NFATC2: variants seen among roughly 807,000 people sequenced by gnomAD.
NFATC2 encodes nuclear factor of activated T-cells, cytoplasmic 2.
In NFATC2, 22 loss-of-function variants were observed where a neutral mutation model predicts 87.3. The observed-to-expected ratio is 0.25, with a 90% CI of 0.18 to 0.36. NFATC2 has a LOEUF of 0.36. NFATC2 is among the 10% of genes least tolerant of loss of function. NFATC2 has a pLI of 1.00. For missense variants in NFATC2, 1,149 were observed against 1,259.1 expected (o/e 0.91, Z 1.32); for synonymous variants, 565 against 542.2 (o/e 1.04, Z -0.58).
chr20:51,488,278 C>T (rs2075818315), intron 3 of NFATC2, among the ~76,000 whole-genome samples: 1 of 152,218 alleles, frequency 6.6e-6, no homozygotes, highest in Non-Finnish European at 1.5e-5. Context: ...TGGATGGTAA[C>T]ATGTGGGATT....
At chr20:51,478,007 A>C (rs920108999) in intron 3 of NFATC2, among the ~76,000 whole-genome samples, 1 of 152,180 alleles carries the variant, frequency 6.6e-6, no homozygotes, top group Non-Finnish European at 1.5e-5. Context: ...TTCCATCATC[A>C]CAGAAAGTCC....
intron 3 of NFATC2, among the ~76,000 whole-genome samples, chr20:51,499,014 C>G (rs2076035630): frequency 6.6e-6 from 1 of 151,984 alleles, no homozygotes; most frequent in African/African-American, 2.4e-5. Flanking sequence ...AGGCCATTAG[C>G]AGGTGGGAAT....
rs190854215 is a variant in NFATC2 at position 51,520,402 on chromosome 20, A to G, written c.1160+2679T>C. 5.0e-4 allele frequency among the ~76,000 whole-genome samples: 76 copies of G among 150,898 alleles called. 1 individual carries two copies. The highest frequency in any genetic ancestry group is 9.9e-4 in the Non-Finnish European group (67 of 67,770). On this transcript the variant is annotated intron_variant, in intron 2 of 10. Coordinates refer to ENST00000371564, the MANE Select transcript of NFATC2 (RefSeq NM_012340.5). ...CACCTCTCTGAGCCCAAATTTCTCA[A>G]TCTGTACCAGGAGTTAGTCTTGATC... is the stretch of plus-strand genomic sequence containing the variant.
intron 3 of NFATC2, among the ~76,000 whole-genome samples, chr20:51,487,188 C>A (rs894426382): frequency 2.6e-5 from 4 of 152,208 alleles, no homozygotes; most frequent in African/African-American, 9.7e-5. Flanking sequence ...AGCAGGGGAT[C>A]CCCAAGAGAC....
At chr20:51,543,383 A>G (rs2076856547), upstream of NFATC2, among the ~76,000 whole-genome samples, 2 of 152,354 alleles carry the variant, frequency 1.3e-5, no homozygotes, top group African/African-American at 2.4e-5. Context: ...TTATGGGGCC[A>G]GGAGAGAACT....
At chr20:51,519,458 CAA>C (rs34825072) in intron 2 of NFATC2, among the ~76,000 whole-genome samples, 118 of 124,618 alleles carry the variant, frequency 9.5e-4, no homozygotes, top group Non-Finnish European at 9.7e-4. Context: ...ACTAAAAATA[CAA>C]AAAAAAAAAA....
rs1985873540 is a variant in NFATC2 at position 51,387,328 on chromosome 20, TG to T, written c.*4167del. 1 of 152,356 alleles carries T rather than the reference TG, an allele frequency of 6.6e-6. No homozygotes were observed. The highest frequency in any genetic ancestry group is 1.9e-4 in the East Asian group (1 of 5,184). The allele number at this position is 152,356 out of a possible 1,614,324, so 9.4% of individuals were successfully genotyped here. ...CTGCTCTAATGGAAACAACATCATT[TG>T]CATCCATTCCATTCAAAGCTTGAAC... On this transcript the variant is annotated 3_prime_UTR_variant, in exon 11 of 11. Transcript: ENST00000371564.
intron 3 of NFATC2, among the ~76,000 whole-genome samples, chr20:51,513,855 T>C (rs981540939): frequency 4.6e-5 from 7 of 152,222 alleles, no homozygotes; most frequent in African/African-American, 1.7e-4. Context: ...GCAGGAGGCG[T>C]GGGCATTTCC....
chr20:51,559,229 C>A (rs1568763437), intron 1 of NFATC2, among the ~76,000 whole-genome samples: 1 of 152,228 alleles, frequency 6.6e-6, no homozygotes, highest in Non-Finnish European at 1.5e-5. Context: ...CTTATGCTTT[C>A]ATTTCCCTGA....
chr20:51,467,261 AAAG>A (rs1367812896), intron 5 of NFATC2, among the ~76,000 whole-genome samples: 1 of 152,126 alleles, frequency 6.6e-6, no homozygotes, highest in Non-Finnish European at 1.5e-5. Context: ...ACAATTTACC[AAAG>A]AAGATACATA....
At chr20:51,454,726 G>A in intron 5 of NFATC2, 38 bp from the exon 6 acceptor site, 2 of 1,608,330 alleles carry the variant, frequency 1.2e-6, no homozygotes, top group Non-Finnish European at 1.7e-6. Flanking sequence ...GTGATAAGGG[G>A]AGATGTCTGT....
At position 51,398,635 on chromosome 20, in the gene NFATC2, T is replaced by C. The variant is rs376100823; in HGVS notation, c.*44+8A>G. On this transcript the variant is annotated splice_region_variant and intron_variant, in intron 10 of 10. Coordinates refer to ENST00000371564, the MANE Select transcript of NFATC2 (RefSeq NM_012340.5). Reference sequence around the variant, plus strand: ...AAAACAAAAGGAGAAGCAGAAGATATCGATTACCTTTAACTTTGATTTCTC... The same window carrying C: ...AAAACAAAAGGAGAAGCAGAAGATACCGATTACCTTTAACTTTGATTTCTC... The C allele has an allele frequency of 5.7e-6, 9 of 1,581,810 alleles. No homozygotes were observed. The South Asian group carries it at 5.8e-5, about 10-fold the overall frequency.
rs112511854 is a variant in NFATC2 at position 51,538,272 on chromosome 20, T to G, written c.130+4098A>C. On this transcript the variant is annotated intron_variant, in intron 1 of 10. Coordinates refer to ENST00000371564, the MANE Select transcript of NFATC2 (RefSeq NM_012340.5). ...CCAAGGATGTCTTCATATAAAGAAATCTAATAATGTATGCCAACACATTAA... is the reference window on the plus strand; with the variant it reads ...CCAAGGATGTCTTCATATAAAGAAAGCTAATAATGTATGCCAACACATTAA... Among the ~76,000 whole-genome samples, 457 of 152,214 alleles carry G rather than the reference T, an allele frequency of 3.0e-3. 2 individuals carry two copies. The highest frequency in any genetic ancestry group is 5.3e-3 in the Non-Finnish European group (363 of 68,026).
In NFATC2 at chr20:51,524,200, G is replaced by T. The variant is rs1174673278; in HGVS notation, c.131-90C>A. The T allele has an allele frequency of 4.1e-6, 5 of 1,226,762 alleles. No homozygotes were observed. Among genetic ancestry groups the T allele is most frequent in the Admixed American group, 6.7e-5 (2 of 29,636 alleles). 76.0% of individuals were successfully genotyped at this position (1,226,762 alleles called of 1,614,324 possible). A position where few individuals can be genotyped will look rare whatever the true frequency, so the allele number is the denominator to read the frequency against. ...AATCACAGGCTGGATTTCGTCTCAC[G>T]TCGTTTATTTTTTTCAAATTCCCAC... is the stretch of plus-strand genomic sequence containing the variant. On this transcript the variant is annotated intron_variant, in intron 1 of 10. Coordinates refer to ENST00000371564, the MANE Select transcript of NFATC2 (RefSeq NM_012340.5). This position sits in a 1 kb window ranked among gnomAD's most constrained non-coding sequence, Gnocchi z 4.0.
intron 9 of NFATC2, among the ~76,000 whole-genome samples, chr20:51,420,592 AGGAAGAACCTCTAGATTTAATCTAGG>A (rs904919771): frequency 2.6e-5 from 4 of 152,196 alleles, no homozygotes; most frequent in Admixed American, 6.5e-5. Flanking sequence ...TTTAATCTAG[AGGAAGAACCTCTAGATTTAATCTAGG>A]GGAAGAACCT....
chr20:51,550,617 TACAA>T (rs1166642241), intron 1 of NFATC2, among the ~76,000 whole-genome samples: 2 of 151,764 alleles, frequency 1.3e-5, no homozygotes, highest in Non-Finnish European at 2.9e-5. Flanking sequence ...TAATAATAAA[TACAA>T]AGAAAATGCA....
At chr20:51,391,475 G>C (rs770484305) in intron 10 of NFATC2, 24 bp from the exon 11 acceptor site, 7 of 1,587,890 alleles carry the variant, frequency 4.4e-6, no homozygotes, top group Non-Finnish European at 4.3e-6. Flanking sequence ...GAGGAGGGGG[G>C]GGGAGAGAGA....
chr20:51,493,151 C>A lies in NFATC2; in HGVS notation c.1333-17491G>T, dbSNP rs533878531. Among the ~76,000 whole-genome samples, 5 of 152,244 alleles carry A rather than the reference C, an allele frequency of 3.3e-5. No individual in the cohort carries two copies. In the South Asian group the frequency reaches 8.3e-4, roughly 25 times the overall value. ...GGGCTAGGGAGTCGGCAGACACAAG[C>A]TCAAGTCCCAACTGCTGAACTCGCT... is the stretch of plus-strand genomic sequence containing the variant. On this transcript the variant is annotated intron_variant, in intron 3 of 10. Coordinates refer to ENST00000371564, the MANE Select transcript of NFATC2 (RefSeq NM_012340.5).
intron 3 of NFATC2, among the ~76,000 whole-genome samples, chr20:51,494,941 C>T (rs2075963254): frequency 6.6e-6 from 1 of 152,132 alleles, no homozygotes; most frequent in African/African-American, 2.4e-5. Context: ...GCTAGTCATC[C>T]ACACTTGGAA....
Sources: allele counts gnomAD v4.1 joint callset (sites outside exome capture counted in the v4.1 genomes callset), GRCh38; gene constraint gnomAD v4.1.1; non-coding constraint Gnocchi (gnomAD v3.1); transcripts MANE v1.5; gene names NCBI Gene and HGNC (gene_info 2026-07-23, HGNC 2026-07-21).